PAX7: variants seen among roughly 807,000 people sequenced by gnomAD.
The protein encoded by PAX7 is paired box 7, also known as paired box protein Pax-7.
Under a neutral mutation model 50.7 loss-of-function variants are expected in PAX7, and 18 were observed. That is an observed-to-expected ratio of 0.36 (90% confidence interval 0.25 to 0.53). The LOEUF is 0.53. PAX7 is among the 20% of genes least tolerant of loss of function. The pLI, the probability that PAX7 is intolerant of heterozygous loss-of-function variation, is 0.93. For missense variants in PAX7, 644 were observed against 702.9 expected (o/e 0.92, Z 0.95); for synonymous variants, 310 against 290.4 (o/e 1.07, Z -0.69).
chr1:18,643,766 A>G (rs2088295490), intron 4 of PAX7, among the ~76,000 whole-genome samples: 1 of 152,222 alleles, frequency 6.6e-6, no homozygotes, highest in Non-Finnish European at 1.5e-5. Context: ...ATCATATTAC[A>G]GCACGTCCCG....
At chr1:18,689,383 TG>T (rs1456476238) in intron 4 of PAX7, among the ~76,000 whole-genome samples, 2 of 151,870 alleles carry the variant, frequency 1.3e-5, no homozygotes, top group African/African-American at 2.4e-5. Context: ...CCACAGTGAC[TG>T]GGGGGCTGGG....
chr1:18,671,574 T>C (rs1023081066), intron 4 of PAX7, among the ~76,000 whole-genome samples: 1 of 151,816 alleles, frequency 6.6e-6, no homozygotes, highest in Non-Finnish European at 1.5e-5. Flanking sequence ...TGGAGAGACA[T>C]ATTCCCTCCC....
intron 7 of PAX7, among the ~76,000 whole-genome samples, chr1:18,722,079 G>T (rs2089502061): frequency 6.6e-6 from 1 of 152,192 alleles, no homozygotes; most frequent in South Asian, 2.1e-4. Context: ...GTTGTGAGGA[G>T]TAAATGGGTT....
intron 4 of PAX7, among the ~76,000 whole-genome samples, chr1:18,673,821 A>G (rs796683523): frequency 3.9e-5 from 6 of 152,256 alleles, no homozygotes; most frequent in African/African-American, 1.2e-4. Flanking sequence ...AAGACACTGC[A>G]TTTGCATTTG....
At chr1:18,643,724 C>T (rs1337328136) in intron 4 of PAX7, among the ~76,000 whole-genome samples, 2 of 152,236 alleles carry the variant, frequency 1.3e-5, no homozygotes, top group Non-Finnish European at 2.9e-5. Flanking sequence ...TTATCAGAAG[C>T]GCTTTCGGTG....
intron 5 of PAX7, among the ~76,000 whole-genome samples, chr1:18,692,510 C>G (rs989350775): frequency 6.6e-6 from 1 of 150,926 alleles, no homozygotes; most frequent in Non-Finnish European, 1.5e-5. Context: ...CCACTGTACT[C>G]CAGCCTGGGT....
At chr1:18,640,555 C>T (rs1039909409) in intron 4 of PAX7, among the ~76,000 whole-genome samples, 1 of 151,990 alleles carries the variant, frequency 6.6e-6, no homozygotes, top group African/African-American at 2.4e-5. Context: ...ACGAAACAAT[C>T]TGCATTGATT....
chr1:18,701,398 A>G (rs1361365934), intron 6 of PAX7, among the ~76,000 whole-genome samples: 1 of 151,414 alleles, frequency 6.6e-6, no homozygotes, highest in South Asian at 2.1e-4. Context: ...GGGTGTGTGC[A>G]TGAGTGTGTG....
chr1:18,674,478 G>A (rs907952102), intron 4 of PAX7, among the ~76,000 whole-genome samples: 1 of 152,152 alleles, frequency 6.6e-6, no homozygotes, highest in African/African-American at 2.4e-5. Flanking sequence ...AAAGAGGTGA[G>A]TTCAGAGCCC....
At chr1:18,744,469 T>TGATGGATGGGTGGATGAGGGATGGATAGA (rs1557564518) in intron 8 of PAX7, among the ~76,000 whole-genome samples, 4 of 73,660 alleles carry the variant, frequency 5.4e-5, no homozygotes, top group South Asian at 5.7e-4. Flanking sequence ...GATGGATGGA[T>TGATGGATGGGTGGATGAGGGATGGATAGA]GGATGGATGG....
intron 4 of PAX7, among the ~76,000 whole-genome samples, chr1:18,669,470 C>A (rs1435301151): frequency 1.3e-5 from 2 of 152,186 alleles, no homozygotes; most frequent in African/African-American, 4.8e-5. Flanking sequence ...AGTCCCAGCT[C>A]CCTCACTGAC....
chr1:18,643,860 A>G (rs1221655778), intron 4 of PAX7, among the ~76,000 whole-genome samples: 2 of 152,052 alleles, frequency 1.3e-5, no homozygotes, highest in Non-Finnish European at 2.9e-5. Context: ...CCGAGGCGGG[A>G]GGCCGGGTTC....
intron 4 of PAX7, among the ~76,000 whole-genome samples, chr1:18,689,024 T>C (rs2089018506): frequency 6.6e-6 from 1 of 152,146 alleles, no homozygotes; most frequent in Admixed American, 6.5e-5. Flanking sequence ...GTGTCTGCCC[T>C]CATCTCTGAC....
chr1:18,661,361 C>T (rs1290977329), intron 4 of PAX7, among the ~76,000 whole-genome samples: 1 of 152,168 alleles, frequency 6.6e-6, no homozygotes, highest in Non-Finnish European at 1.5e-5. Context: ...TTTGCAGAAA[C>T]TTTCTGATCT....
intron 4 of PAX7, among the ~76,000 whole-genome samples, chr1:18,661,851 G>A (rs1033559740): frequency 6.6e-6 from 1 of 152,240 alleles, no homozygotes; most frequent in South Asian, 2.1e-4. Flanking sequence ...GTGACAGGGG[G>A]TGGGCGGAGG....
chr1:18,693,641 A>G (rs1001727916), intron 5 of PAX7, among the ~76,000 whole-genome samples: 5 of 152,200 alleles, frequency 3.3e-5, no homozygotes, highest in Admixed American at 6.5e-5. Flanking sequence ...GGAGACCCCA[A>G]GGGGAAAGAG....
chr1:18,731,888 C>T (rs774692877), intron 7 of PAX7, among the ~76,000 whole-genome samples: 2 of 152,324 alleles, frequency 1.3e-5, no homozygotes, highest in Non-Finnish European at 2.9e-5. Context: ...GCCTCTTGAG[C>T]CACCGGGCAC....
At position 18,747,109 on chromosome 1, in the gene PAX7, CA is replaced by C; in HGVS notation, c.*2181del. Reference sequence around the variant, plus strand: ...CTGAAGACCAAACACTCGTCATCCACATTCCTTGAATGGCCAATCCTTCCAT... The same window carrying C: ...CTGAAGACCAAACACTCGTCATCCACTTCCTTGAATGGCCAATCCTTCCAT... On this transcript the variant is annotated 3_prime_UTR_variant, in exon 9 of 9. Transcript: ENST00000420770. 1 of 229,632 alleles carries C rather than the reference CA, an allele frequency of 4.4e-6. No individual in the cohort carries two copies. The highest frequency in any genetic ancestry group is 6.2e-5 in the East Asian group (1 of 16,160). 14.2% of individuals were successfully genotyped at this position (229,632 alleles called of 1,614,324 possible). A position where few individuals can be genotyped will look rare whatever the true frequency, so the allele number is the denominator to read the frequency against.
rs1018557733 is a variant in PAX7 at position 18,683,578 on chromosome 1, G to A, written c.587-8176G>A. 4.6e-5 allele frequency among the ~76,000 whole-genome samples: 7 copies of A among 152,332 alleles called. No homozygotes were observed. The East Asian group carries it at 1.4e-3, about 29-fold the overall frequency. The stretch of plus-strand genomic sequence containing the variant: ...CCATTGGCCGGGTGCGGTGGCTCAT[G>A]CCTGTAATCCCAGCACTGTGGGAGG... On this transcript the variant is annotated intron_variant, in intron 4 of 8. Coordinates refer to ENST00000420770, the MANE Select transcript of PAX7 (RefSeq NM_001135254.2).
Sources: allele counts gnomAD v4.1 joint callset (sites outside exome capture counted in the v4.1 genomes callset), GRCh38; gene constraint gnomAD v4.1.1; transcripts MANE v1.5; gene names NCBI Gene and HGNC (gene_info 2026-07-23, HGNC 2026-07-21).